Variants in DNAH3 observed in about 807,000 individuals in gnomAD.
The protein encoded by DNAH3 is axonemal beta dynein heavy chain 3.
A neutral mutation model predicts 432.5 loss-of-function variants in DNAH3; 332 were observed. The ratio of observed to expected loss-of-function variants is 0.77; its 90% CI spans 0.70 to 0.84. The LOEUF is 0.84. Among genes scored for constraint, DNAH3 ranks in the 40% least tolerant of loss-of-function variants. The probability of loss-of-function intolerance (pLI) is 0.00; values close to 1 mark genes in which losing one functional copy is unlikely to be tolerated. For synonymous variants in DNAH3, 1,956 were observed against 1,900.2 expected, an observed-to-expected ratio of 1.03 and a Z score of -0.76; for missense variants, 4,861 against 5,114.0, an observed-to-expected ratio of 0.95 and a Z score of 1.51.
chr16:20,998,314 G>A (rs2086853443), intron 43 of DNAH3, among the ~76,000 whole-genome samples: 1 of 152,098 alleles, frequency 6.6e-6, no homozygotes, highest in Non-Finnish European at 1.5e-5. Context: ...GAGTGCAGAG[G>A]TGTGATCTCA....
At chr16:21,145,047 G>A (rs2092765241) in intron 3 of DNAH3, 134 bp downstream of exon 4, 1 of 724,808 alleles carries the variant, frequency 1.4e-6, no homozygotes, top group South Asian at 1.9e-5. Context: ...GGGAGGCGGA[G>A]GTTGCAATGA....
intron 42 of DNAH3, among the ~76,000 whole-genome samples, chr16:21,002,867 C>A (rs2087096762): frequency 6.6e-6 from 1 of 152,156 alleles, no homozygotes; most frequent in South Asian, 2.1e-4. Context: ...ACCTCTGCAA[C>A]CATAAATGTT....
At chr16:20,947,788 T>C (rs954202075) in intron 57 of DNAH3, among the ~76,000 whole-genome samples, 18 of 152,258 alleles carry the variant, frequency 1.2e-4, no homozygotes, top group African/African-American at 4.3e-4. Flanking sequence ...TGTTTGTTTG[T>C]TTGTTTTTTT....
chr16:20,956,885 G>A (rs1000947717), intron 54 of DNAH3, among the ~76,000 whole-genome samples: 4 of 151,942 alleles, frequency 2.6e-5, no homozygotes, highest in African/African-American at 9.7e-5. Context: ...CACCGCACCT[G>A]GCTAATTTTT....
At chr16:21,156,011 T>C (rs2092894968) in intron 1 of DNAH3, among the ~76,000 whole-genome samples, 1 of 152,104 alleles carries the variant, frequency 6.6e-6, no homozygotes, top group Non-Finnish European at 1.5e-5. Flanking sequence ...GAGACATTTA[T>C]TTCTCACTGC....
At chr16:21,056,055 T>C (rs1257357330) in intron 27 of DNAH3, among the ~76,000 whole-genome samples, 3 of 152,208 alleles carry the variant, frequency 2.0e-5, no homozygotes, top group African/African-American at 7.2e-5. Context: ...TAGATGATTA[T>C]AGCTGCCTCT....
intron 22 of DNAH3, among the ~76,000 whole-genome samples, chr16:21,069,819 G>A (rs1371848288): frequency 2.6e-5 from 4 of 152,166 alleles, no homozygotes; most frequent in African/African-American, 7.2e-5. Context: ...CGGAGCTCAC[G>A]TCCTAGCAGA....
intron 18 of DNAH3, among the ~76,000 whole-genome samples, chr16:21,092,487 G>A (rs990640509): frequency 2.0e-5 from 3 of 151,750 alleles, no homozygotes; most frequent in African/African-American, 4.8e-5. Context: ...ATGGATCATA[G>A]ACTTAAATCT....
intron 5 of DNAH3, among the ~76,000 whole-genome samples, chr16:21,139,130 T>C (rs57083827): frequency 0.023 from 3,483 of 152,228 alleles, 138 homozygotes; most frequent in African/African-American, 0.079. Flanking sequence ...CTCCAACATC[T>C]ATCTAGAGCC....
At chr16:21,084,486 C>T (rs1245378782) in intron 19 of DNAH3, among the ~76,000 whole-genome samples, 1 of 151,962 alleles carries the variant, frequency 6.6e-6, no homozygotes, top group Admixed American at 6.6e-5. Context: ...CCACGCCCGG[C>T]TAATTTTTTT....
chr16:20,977,066 C>T (rs1003503862), intron 50 of DNAH3, among the ~76,000 whole-genome samples: 5 of 152,196 alleles, frequency 3.3e-5, no homozygotes, highest in African/African-American at 1.2e-4. Flanking sequence ...GAGGGTTGTG[C>T]CATTTTTTAG....
intron 52 of DNAH3, among the ~76,000 whole-genome samples, chr16:20,969,086 CTGTGTGTG>C (rs56928155): frequency 0.16 from 23,280 of 146,348 alleles, 1,898 homozygotes; most frequent in African/African-American, 0.2. Flanking sequence ...TTTTCTTTCT[CTGTGTGTG>C]TGTGTGTGTG....
At chr16:20,992,601 A>C (rs748141317) in intron 44 of DNAH3, among the ~76,000 whole-genome samples, 13 of 152,228 alleles carry the variant, frequency 8.5e-5, no homozygotes, top group Non-Finnish European at 1.6e-4. Context: ...CAGCCTCCCA[A>C]AGTGCTGGGA....
chr16:20,980,460 C>A (rs1418526795), intron 49 of DNAH3, among the ~76,000 whole-genome samples: 2 of 150,620 alleles, frequency 1.3e-5, no homozygotes, highest in Admixed American at 1.3e-4. Context: ...GTAGCCTTAA[C>A]CTCCCTGGCT....
intron 37 of DNAH3, among the ~76,000 whole-genome samples, chr16:21,029,593 C>G (rs2088768918): frequency 6.6e-6 from 1 of 152,168 alleles, no homozygotes; most frequent in Non-Finnish European, 1.5e-5. Flanking sequence ...GTGGCAAGGC[C>G]AGGATTTGAA....
chr16:21,066,311 A>G (rs953604299), intron 24 of DNAH3, among the ~76,000 whole-genome samples: 5 of 152,154 alleles, frequency 3.3e-5, no homozygotes, highest in African/African-American at 1.2e-4. Context: ...TGAACTAGTC[A>G]TGGATAGATT....
In DNAH3 at chr16:21,086,828, C is replaced by T. The variant is rs150451252; in HGVS notation, c.2877+21G>A. On this transcript the variant is annotated intron_variant, in intron 19 of 61. Transcript: ENST00000261383. ...AGGCCTGGGCTGCGCTGCTTGGGGG[C>T]GGGCAGTGATTGATAGAAACCTGCT... 188 of 1,608,914 alleles carry T rather than the reference C, an allele frequency of 1.2e-4. No homozygotes were observed. The African/African-American group carries it at 1.4e-3, about 12-fold the overall frequency.
chr16:20,948,704 TAAAACACGGCA>T (rs2084171319), intron 56 of DNAH3, 67 bp from the exon 57 acceptor site: 1 of 1,544,844 alleles, frequency 6.5e-7, no homozygotes, highest in African/African-American at 1.4e-5. Context: ...GTGGTTGATG[TAAAACACGGCA>T]TTCTTCCGGC....
chr16:20,996,060 G>A (rs1172948122), intron 44 of DNAH3, among the ~76,000 whole-genome samples: 1 of 152,206 alleles, frequency 6.6e-6, no homozygotes, highest in African/African-American at 2.4e-5. Context: ...AACTAGCTTT[G>A]TTGTAAGTGT....
Sources: gnomAD v4.1 joint callset for allele counts (sites outside exome capture counted in the v4.1 genomes callset) on GRCh38, gnomAD v4.1.1 for gene constraint, MANE v1.5 for transcripts, NCBI Gene and HGNC (gene_info 2026-07-23, HGNC 2026-07-21) for gene names.